Variants in CACNA2D1 observed in about 807,000 individuals in gnomAD.
The protein encoded by CACNA2D1 is calcium voltage-gated channel auxiliary subunit alpha2delta 1.
In CACNA2D1, 53 loss-of-function variants were observed where a neutral mutation model predicts 171.5. That is an observed-to-expected ratio of 0.31 (90% CI 0.25 to 0.39). The LOEUF (loss-of-function observed/expected upper bound fraction) is 0.39. CACNA2D1 is among the 10% of genes least tolerant of loss of function. The probability of loss-of-function intolerance (pLI) is 1.00; values close to 1 mark genes in which losing one functional copy is unlikely to be tolerated. For missense variants in CACNA2D1, 903 were observed against 1,299.8 expected (o/e 0.69, Z 4.69); for synonymous variants, 442 against 443.1 (o/e 1.00, Z 0.03).
Position 82,060,475 on chromosome 7 carries a change from C to T in CACNA2D1, c.832G>A (p.Glu278Lys). 4.3e-6 allele frequency: 7 copies of T among 1,610,038 alleles called. No homozygotes were observed. Among genetic ancestry groups the T allele is most frequent in the South Asian group, 1.1e-5 (1 of 90,986 alleles). The change falls in exon 10 of 39, where the codon GAA (glutamate) becomes AAA (lysine). Residue 278 changes from glutamate to lysine, a missense_variant. Transcript: ENST00000356860. ...TLKLIRTSVS[E>K]MLETLSDDDF... The stretch of plus-strand genomic sequence containing the variant: ...TCATCTGAGAGGGTTTCTAACATTT[C>T]GGAGACAGATGTTCGGATCAGTTTA...
At chr7:82,049,093 T>C (rs542567675) in intron 10 of CACNA2D1, among the ~76,000 whole-genome samples, 1 of 147,934 alleles carries the variant, frequency 6.8e-6, no homozygotes, top group African/African-American at 2.5e-5. Flanking sequence ...TCTTTATATT[T>C]CCAAAGCAAT....
At chr7:82,329,437 T>C (rs1817033432) in intron 3 of CACNA2D1, among the ~76,000 whole-genome samples, 1 of 152,168 alleles carries the variant, frequency 6.6e-6, no homozygotes, top group African/African-American at 2.4e-5. Flanking sequence ...TTGAGCAAAA[T>C]GCCTAGAGAC....
chr7:82,289,691 C>T (rs75139307), intron 3 of CACNA2D1, among the ~76,000 whole-genome samples: 6,432 of 152,298 alleles, frequency 0.042, 456 homozygotes, highest in African/African-American at 0.14. Flanking sequence ...AAATACTTGG[C>T]TCTGAAACCT....
chr7:82,230,532 T>A (rs1032978665), intron 3 of CACNA2D1, among the ~76,000 whole-genome samples: 1 of 152,190 alleles, frequency 6.6e-6, no homozygotes, highest in Non-Finnish European at 1.5e-5. Flanking sequence ...AATATAAAAA[T>A]TATTCTTTAA....
intron 3 of CACNA2D1, among the ~76,000 whole-genome samples, chr7:82,185,636 GTTC>G (rs10603912): frequency 0.35 from 51,572 of 149,204 alleles, 9,346 homozygotes; most frequent in East Asian, 0.58. Context: ...CTAACTGTTA[GTTC>G]TTCTGGAGAA....
intron 4 of CACNA2D1, among the ~76,000 whole-genome samples, chr7:82,164,775 C>T (rs1795267469): frequency 6.6e-6 from 1 of 151,826 alleles, no homozygotes; most frequent in South Asian, 2.1e-4. Flanking sequence ...TTAGATTATG[C>T]ATTAAATGAA....
chr7:82,020,131 C>G (rs1377872140), intron 12 of CACNA2D1, among the ~76,000 whole-genome samples: 1 of 152,152 alleles, frequency 6.6e-6, no homozygotes, highest in Non-Finnish European at 1.5e-5. Flanking sequence ...TTGCAGCCTG[C>G]AAAGTTTTGG....
chr7:81,961,826 CTTAATGATTATAACAGTATATACAATT>C, intron 36 of CACNA2D1, 41 bp downstream of exon 36: 1 of 118,162 alleles, frequency 8.5e-6, no homozygotes. Context: ...TATACAATTT[CTTAATGATTATAACAGTATATACAATT>C]TCTTAATGAA....
At chr7:82,408,412 T>A (rs1827292555) in intron 1 of CACNA2D1, among the ~76,000 whole-genome samples, 1 of 152,180 alleles carries the variant, frequency 6.6e-6, no homozygotes. Context: ...GAGACCAGAA[T>A]GGCTGCTGGG....
At chr7:82,435,030 CTTTTTTTTTTTT>C in intron 1 of CACNA2D1, among the ~76,000 whole-genome samples, 1 of 84,358 alleles carries the variant, frequency 1.2e-5, no homozygotes, top group African/African-American at 4.7e-5. Flanking sequence ...TCTTCAGATA[CTTTTTTTTTTTT>C]TTTTTTTTTT....
chr7:82,091,171 A>T (rs1489317359), intron 6 of CACNA2D1, among the ~76,000 whole-genome samples: 1 of 152,142 alleles, frequency 6.6e-6, no homozygotes, highest in African/African-American at 2.4e-5. Flanking sequence ...ATGGAATCTC[A>T]TCTAATCCCA....
intron 10 of CACNA2D1, chr7:82,050,735 A>C: frequency 1.5e-6 from 1 of 672,580 alleles, no homozygotes; most frequent in Non-Finnish European, 2.7e-6. Flanking sequence ...ATGTTGGAAG[A>C]TGACACTAAA....
chr7:82,307,464 T>C (rs925496031), intron 3 of CACNA2D1, among the ~76,000 whole-genome samples: 26 of 151,218 alleles, frequency 1.7e-4, no homozygotes, highest in African/African-American at 5.8e-4. Context: ...ACAAGAATTA[T>C]GTAATTCTTA....
intron 21 of CACNA2D1, among the ~76,000 whole-genome samples, chr7:81,985,456 C>A (rs986765187): frequency 6.6e-6 from 1 of 152,018 alleles, no homozygotes; most frequent in Admixed American, 6.6e-5. Context: ...GTGTTACAGG[C>A]ATGAGCCTCC....
intron 6 of CACNA2D1, among the ~76,000 whole-genome samples, chr7:82,106,736 CCTT>C (rs1269047735): frequency 6.6e-6 from 1 of 151,998 alleles, no homozygotes; most frequent in Non-Finnish European, 1.5e-5. Flanking sequence ...TACTTGAGCT[CCTT>C]CTTAAGAAAA....
chr7:81,982,267 C>T (rs995435811), intron 24 of CACNA2D1, among the ~76,000 whole-genome samples: 1 of 152,028 alleles, frequency 6.6e-6, no homozygotes. Flanking sequence ...GTAGCTGGGA[C>T]TACAGGTGTG....
intron 36 of CACNA2D1, among the ~76,000 whole-genome samples, chr7:81,960,622 C>T (rs905271145): frequency 3.3e-5 from 5 of 151,952 alleles, no homozygotes; most frequent in African/African-American, 1.2e-4. Context: ...TTTCTTTTTG[C>T]CCTGTTAAGC....
intron 1 of CACNA2D1, among the ~76,000 whole-genome samples, chr7:82,402,675 C>A (rs1826556680): frequency 8.5e-6 from 1 of 117,636 alleles, no homozygotes; most frequent in South Asian, 2.9e-4. Flanking sequence ...CACTGCACTT[C>A]AGCCAGGGCA....
At chr7:82,300,234 C>G (rs1267711042) in intron 3 of CACNA2D1, among the ~76,000 whole-genome samples, 1 of 151,824 alleles carries the variant, frequency 6.6e-6, no homozygotes, top group Non-Finnish European at 1.5e-5. Flanking sequence ...TGTGCAAATA[C>G]TCTCAGACAG....
Sources: gnomAD v4.1 joint callset for allele counts (sites outside exome capture counted in the v4.1 genomes callset) on GRCh38, gnomAD v4.1.1 for gene constraint, MANE v1.5 for transcripts, NCBI Gene and HGNC (gene_info 2026-07-23, HGNC 2026-07-21) for gene names.